SOX5: variants seen among roughly 807,000 people sequenced by gnomAD.
SOX5 encodes SRY-box transcription factor 5, also known as transcription factor SOX-5.
SOX5 carries 9 observed loss-of-function variants against 92.0 expected under a neutral mutation model. The observed-to-expected ratio is 0.10, with a 90% CI of 0.06 to 0.17. The LOEUF is 0.17. Among genes scored for constraint, SOX5 ranks in the 10% least tolerant of loss-of-function variants. The pLI, the probability that SOX5 is intolerant of heterozygous loss-of-function variation, is 1.00. For missense variants in SOX5, 642 were observed against 944.5 expected, an observed-to-expected ratio of 0.68 and a Z score of 4.20; for synonymous variants, 344 against 336.3, an observed-to-expected ratio of 1.02 and a Z score of -0.25.
At chr12:23,993,904 T>TATGTATGTATGCATGTATGC (rs1555465089) in intron 4 of SOX5, among the ~76,000 whole-genome samples, 199 of 149,392 alleles carry the variant, frequency 1.3e-3, no homozygotes, top group African/African-American at 4.7e-3. Context: ...TGTATGTATG[T>TATGTATGTATGCATGTATGC]ATGTATGTAT....
At chr12:23,904,349 T>C (rs1175631596) in intron 1 of SOX5, among the ~76,000 whole-genome samples, 1 of 151,802 alleles carries the variant, frequency 6.6e-6, no homozygotes, top group Non-Finnish European at 1.5e-5. Flanking sequence ...TGGTTCATTA[T>C]ACCGTTATTT....
Position 24,518,198 on chromosome 12 carries a change from A to T in SOX5, c.-251+44131T>A, listed in dbSNP as rs536739945. ...TTTCTCATGCCTCAGCCTCCCGAGT[A>T]GCTGGGGTTACAGGCATGTACCACC... On this transcript the variant is annotated intron_variant, in intron 1 of 4. Coordinates refer to the SOX5 transcript ENST00000446891. Among the ~76,000 whole-genome samples the T allele has an allele frequency of 8.6e-5, 13 of 151,878 alleles. No individual in the cohort carries two copies. The South Asian group carries it at 2.5e-3, about 29-fold the overall frequency.
At chr12:24,249,824 T>C (rs1204894120) in intron 3 of SOX5, among the ~76,000 whole-genome samples, 1 of 152,244 alleles carries the variant, frequency 6.6e-6, no homozygotes, top group Non-Finnish European at 1.5e-5. Flanking sequence ...AAATGGTCTT[T>C]TATATTTCAC....
At chr12:23,812,624 C>T (rs532642370) in intron 3 of SOX5, among the ~76,000 whole-genome samples, 14 of 152,174 alleles carry the variant, frequency 9.2e-5, no homozygotes, top group Admixed American at 7.2e-4. Flanking sequence ...TTAAGAAGTA[C>T]AGGTTGTTTG....
rs1566278538 is a variant in SOX5, at chr12:23,608,108, G to GAAA, written c.1018-3578_1018-3576dup. 9.7e-3 allele frequency among the ~76,000 whole-genome samples: 55 copies of GAAA among 5,680 alleles called. 1 individual carries two copies. Among genetic ancestry groups the GAAA allele is most frequent in the African/African-American group, 0.014 (53 of 3,916 alleles). 3.7% of individuals were successfully genotyped at this position (5,680 alleles called of 152,430 possible). On this transcript the variant is annotated intron_variant, in intron 8 of 14. Transcript: ENST00000451604. Reference sequence around the variant, plus strand: ...AACATAGTGAGACGTTGTCTCAAAAGAAAAAAGAAAAAAAAAAAAAAAAAA... The same window carrying GAAA: ...AACATAGTGAGACGTTGTCTCAAAAGAAAAAAAAAGAAAAAAAAAAAAAAAAAA...
At chr12:24,535,749 A>C (rs1951584157) in intron 1 of SOX5, among the ~76,000 whole-genome samples, 1 of 152,216 alleles carries the variant, frequency 6.6e-6, no homozygotes, top group Non-Finnish European at 1.5e-5. Context: ...CCTCGTTCTA[A>C]AATTTGCCTC....
At chr12:24,372,560 C>A (rs1956848269) in intron 1 of SOX5, among the ~76,000 whole-genome samples, 2 of 152,142 alleles carry the variant, frequency 1.3e-5, no homozygotes, top group South Asian at 4.1e-4. Context: ...GGTTCCAAGT[C>A]TTTGCTATTG....
rs551559362 is a variant in SOX5 at position 23,592,627 on chromosome 12, G to T, written c.1164+11760C>A. ...AGAAACTTTTATTTTTCAAGCAGCA[G>T]TCTGATAATCAGTTTCTTAGCAATA... is the stretch of plus-strand genomic sequence containing the variant. On this transcript the variant is annotated intron_variant, in intron 9 of 14. Coordinates refer to ENST00000451604, the MANE Select transcript of SOX5 (RefSeq NM_006940.6). Among the ~76,000 whole-genome samples, 38 of 152,216 alleles carry T rather than the reference G, an allele frequency of 2.5e-4. No homozygotes were observed. In the South Asian group the frequency reaches 4.1e-3, roughly 17 times the overall value.
chr12:24,112,288 GT>G (rs573517539), intron 4 of SOX5, among the ~76,000 whole-genome samples: 12 of 152,208 alleles, frequency 7.9e-5, no homozygotes, highest in Non-Finnish European at 1.2e-4. Flanking sequence ...TCTCAAAAAA[GT>G]TTTATGGAAA....
chr12:24,144,097 TATC>T (rs903657314), intron 4 of SOX5, among the ~76,000 whole-genome samples: 1 of 151,018 alleles, frequency 6.6e-6, no homozygotes, highest in Non-Finnish European at 1.5e-5. Context: ...AAAAAAAAGA[TATC>T]ATTACAAAGA....
chr12:23,691,289 C>A (rs747228389), intron 6 of SOX5, among the ~76,000 whole-genome samples: 4 of 152,170 alleles, frequency 2.6e-5, no homozygotes, highest in Admixed American at 6.5e-5. Context: ...TTTCTGTCTT[C>A]TTTAGATTAT....
intron 3 of SOX5, among the ~76,000 whole-genome samples, chr12:24,250,107 TCTAAA>T (rs1163351510): frequency 6.6e-6 from 1 of 152,172 alleles, no homozygotes; most frequent in Non-Finnish European, 1.5e-5. Context: ...TAGAAATCCA[TCTAAA>T]CTGCGTATTC....
chr12:24,421,119 A>T (rs1965841442), intron 1 of SOX5, among the ~76,000 whole-genome samples: 1 of 152,228 alleles, frequency 6.6e-6, no homozygotes, highest in African/African-American at 2.4e-5. Context: ...AATGAAATGC[A>T]AGAATTATTA....
At chr12:23,569,594 T>A (rs1253249419) in intron 10 of SOX5, among the ~76,000 whole-genome samples, 1 of 152,218 alleles carries the variant, frequency 6.6e-6, no homozygotes, top group Non-Finnish European at 1.5e-5. Flanking sequence ...CTGTGTCCCC[T>A]CTTGCCAGTC....
At chr12:23,974,553 T>A (rs763904933) in intron 4 of SOX5, among the ~76,000 whole-genome samples, 18 of 152,232 alleles carry the variant, frequency 1.2e-4, no homozygotes, top group Non-Finnish European at 2.4e-4. Flanking sequence ...TCAGCCTATC[T>A]TCTTTCTTTT....
chr12:23,985,501 T>C (rs895596072), intron 4 of SOX5, among the ~76,000 whole-genome samples: 2 of 152,194 alleles, frequency 1.3e-5, no homozygotes, highest in Non-Finnish European at 2.9e-5. Flanking sequence ...AGTTTGTAAT[T>C]AAATTGCACT....
intron 2 of SOX5, among the ~76,000 whole-genome samples, chr12:24,319,481 A>T (rs1474825690): frequency 6.6e-6 from 1 of 152,184 alleles, no homozygotes; most frequent in African/African-American, 2.4e-5. Context: ...TAATCAATTA[A>T]TCACCAATAT....
rs147434438 is a variant in SOX5 at position 24,461,099 on chromosome 12, A to G, written c.-250-92460T>C. On this transcript the variant is annotated intron_variant, in intron 1 of 4. Coordinates refer to the SOX5 transcript ENST00000446891. ...TTGGCCTGAGATTTGGTTGCCCTCT[A>G]CTAAGTGACAACACATTTACAGAAG... Among the ~76,000 whole-genome samples the G allele has an allele frequency of 1.9e-3, 293 of 152,332 alleles. 1 individual carries two copies. Among genetic ancestry groups the G allele is most frequent in the East Asian group, 0.011 (59 of 5,188 alleles).
intron 4 of SOX5, among the ~76,000 whole-genome samples, chr12:23,754,032 ATACTCTG>A (rs958096765): frequency 6.6e-6 from 1 of 151,832 alleles, no homozygotes; most frequent in African/African-American, 2.4e-5. Flanking sequence ...AACCTAACTT[ATACTCTG>A]AATGTGAAGC....
Sources: allele counts gnomAD v4.1 joint callset (sites outside exome capture counted in the v4.1 genomes callset), GRCh38; gene constraint gnomAD v4.1.1; transcripts MANE v1.5; gene names NCBI Gene and HGNC (gene_info 2026-07-23, HGNC 2026-07-21).